Variants in TP53BP1 observed in about 807,000 individuals in gnomAD.
TP53BP1 encodes TP53-binding protein 1.
Under a neutral mutation model 200.8 loss-of-function variants are expected in TP53BP1, and 61 were observed. The observed-to-expected ratio is 0.30, with a 90% CI of 0.25 to 0.38. The LOEUF (loss-of-function observed/expected upper bound fraction) is 0.38, where lower values mean the gene tolerates loss of function less well. TP53BP1 is among the 10% of genes least tolerant of loss of function. The probability of loss-of-function intolerance (pLI) is 1.00; values close to 1 mark genes in which losing one functional copy is unlikely to be tolerated. For synonymous variants in TP53BP1, 822 were observed against 844.3 expected (o/e 0.97, Z 0.46); for missense variants, 2,144 against 2,371.9 (o/e 0.90, Z 2.00).
At chr15:43,415,423 A>G in intron 23 of TP53BP1, 171 bp downstream of exon 23, 3 of 732,962 alleles carry the variant, frequency 4.1e-6, no homozygotes, top group South Asian at 2.9e-5. Flanking sequence ...GGGATGGGGG[A>G]GGAGGGATAC....
intron 8 of TP53BP1, among the ~76,000 whole-genome samples, chr15:43,476,450 T>C (rs1330118947): frequency 1.3e-5 from 2 of 152,204 alleles, no homozygotes; most frequent in African/African-American, 2.4e-5. Context: ...CACATGACAC[T>C]TGATGTTATA....
intron 17 of TP53BP1, 99 bp from the exon 18 acceptor site, chr15:43,428,267 G>A: frequency 9.6e-7 from 1 of 1,039,874 alleles, no homozygotes; most frequent in Non-Finnish European, 1.4e-6. Context: ...GAGGCTCCAT[G>A]AATCTAGTGT....
At chr15:43,436,166 CT>C (rs1201494668) in intron 16 of TP53BP1, among the ~76,000 whole-genome samples, 1 of 151,754 alleles carries the variant, frequency 6.6e-6, no homozygotes, top group Non-Finnish European at 1.5e-5. Flanking sequence ...TAATTTTGTA[CT>C]TTTTGTAGAG....
chr15:43,491,775 T>G, intron 3 of TP53BP1, 22 bp from the exon 4 acceptor site: 1 of 1,586,434 alleles, frequency 6.3e-7, no homozygotes, highest in Non-Finnish European at 8.7e-7. Context: ...AACTGGATAT[T>G]AGCATGAAAG....
Position 43,457,097 on chromosome 15 carries a change from T to G in TP53BP1, c.1511A>C (p.Asn504Thr). 6.2e-7 allele frequency: 1 copy of G among 1,614,180 alleles called. No homozygotes were observed. The highest frequency in any genetic ancestry group is 8.5e-7 in the Non-Finnish European group (1 of 1,180,042). ...AGATAGCCCAAGATCCTCAGGGGAA[T>G]TCTTTGGTTCAATCTCTGAAGTTTT... ...CSKTSEIEPK[N>T]SPEDLGLSLT... Residue 504 changes from asparagine to threonine, a missense_variant, in exon 12 of 28, where the codon AAT becomes ACT. Physicochemically the swap from Asn to Thr is moderately conservative, Grantham distance 65. Coordinates refer to ENST00000382044, the MANE Select transcript of TP53BP1 (RefSeq NM_001141980.3).
At chr15:43,431,868 G>C (rs1260520059) in intron 17 of TP53BP1, among the ~76,000 whole-genome samples, 1 of 152,184 alleles carries the variant, frequency 6.6e-6, no homozygotes, top group Non-Finnish European at 1.5e-5. Flanking sequence ...TAGAAGGCAA[G>C]ATAAAAAGTA....
chr15:43,450,759 C>T (rs1350589364), intron 12 of TP53BP1, among the ~76,000 whole-genome samples: 1 of 152,186 alleles, frequency 6.6e-6, no homozygotes, highest in Non-Finnish European at 1.5e-5. Flanking sequence ...TTCTCTCTCT[C>T]CCTCTCTGTA....
Position 43,475,603 on chromosome 15 carries a change from G to A in TP53BP1, c.1047C>T (p.Leu349=), listed in dbSNP as rs1220380736. 3 of 1,614,004 alleles carry A rather than the reference G, an allele frequency of 1.9e-6. No individual in the cohort carries two copies. Among genetic ancestry groups the A allele is most frequent in the Admixed American group, 1.7e-5 (1 of 60,000 alleles). Reference sequence around the variant, plus strand: ...CCTGAACAAGGGACCTCTGACCAGAGAGCTGCAGGAGATGCAGAGTGGTGG... The same window carrying A: ...CCTGAACAAGGGACCTCTGACCAGAAAGCTGCAGGAGATGCAGAGTGGTGG... ...TPATTLHLLQ[L]SGQRSLVQDS... The change falls in exon 9 of 28, where the codon CTC becomes CTT. Residue 349 remains leucine (L), a synonymous_variant. Coordinates refer to ENST00000382044, the MANE Select transcript of TP53BP1 (RefSeq NM_001141980.3).
intron 15 of TP53BP1, among the ~76,000 whole-genome samples, chr15:43,439,476 C>A (rs111309700): frequency 1.3e-5 from 2 of 152,144 alleles, no homozygotes; most frequent in Non-Finnish European, 2.9e-5. Context: ...GTCAAGGCTG[C>A]AGTGAACTGT....
At position 43,493,025 on chromosome 15, in the gene TP53BP1, T is replaced by A; in HGVS notation, c.7+12A>T. On this transcript the variant is annotated intron_variant, in intron 1 of 27. Transcript: ENST00000382044. ...AGAGCCCACTGCACTCCCATTTCTCTCCAAACAGTACCAGGCATCCCGGCG... is the reference window on the plus strand; with the variant it reads ...AGAGCCCACTGCACTCCCATTTCTCACCAAACAGTACCAGGCATCCCGGCG... The A allele has an allele frequency of 6.2e-7, 1 of 1,611,752 alleles. No homozygotes were observed. The highest frequency in any genetic ancestry group is 8.5e-7 in the Non-Finnish European group (1 of 1,179,246).
At chr15:43,465,175 A>G (rs1196458617) in intron 11 of TP53BP1, among the ~76,000 whole-genome samples, 1 of 152,006 alleles carries the variant, frequency 6.6e-6, no homozygotes, top group Non-Finnish European at 1.5e-5. Context: ...TTCCATTTGT[A>G]GACTGGTGTC....
intron 8 of TP53BP1, among the ~76,000 whole-genome samples, chr15:43,476,035 C>T (rs544069897): frequency 5.3e-5 from 8 of 152,152 alleles, no homozygotes; most frequent in East Asian, 3.9e-4. Flanking sequence ...GAGGCTGAGG[C>T]GGGTGGATCA....
At chr15:43,493,265 A>G, upstream of TP53BP1, 5 of 1,406,600 alleles carry the variant, frequency 3.6e-6, no homozygotes, top group Non-Finnish European at 4.7e-6. Flanking sequence ...GCCCTGCCCC[A>G]CGTAAGAAAA....
chr15:43,509,259 G>A (rs887062177), intron 1 of TP53BP1, among the ~76,000 whole-genome samples: 1 of 150,220 alleles, frequency 6.7e-6, no homozygotes. Context: ...AGAGGGTGAG[G>A]CATCCCCAGC....
intron 15 of TP53BP1, among the ~76,000 whole-genome samples, chr15:43,438,883 C>T (rs1490553378): frequency 6.6e-6 from 1 of 151,830 alleles, no homozygotes; most frequent in African/African-American, 2.4e-5. Flanking sequence ...GAAATCTGAA[C>T]ATTGAATATT....
At chr15:43,442,815 C>CTTT (rs71111818) in intron 14 of TP53BP1, among the ~76,000 whole-genome samples, 19 of 61,032 alleles carry the variant, frequency 3.1e-4, no homozygotes, top group Non-Finnish European at 4.8e-4. Flanking sequence ...CAGTAATATT[C>CTTT]TTTTTTTTTT....
rs2044746243 is a variant in TP53BP1 at position 43,403,519 on chromosome 15, G to A, written c.*3864C>T. 6.8e-6 allele frequency: 4 copies of A among 587,240 alleles called. No homozygotes were observed. Among genetic ancestry groups the A allele is most frequent in the African/African-American group, 1.9e-5 (1 of 53,704 alleles). The allele number at this position is 587,240 out of a possible 1,614,324, so 36.4% of individuals were successfully genotyped here. ...TGCATTTGTTTTACGCATTTTGTGC[G>A]TCTGAGGGGCTGGCAGGCCTTGCAC... is the stretch of plus-strand genomic sequence containing the variant. On this transcript the variant is annotated 3_prime_UTR_variant, in exon 28 of 28. Transcript: ENST00000382044.
intron 12 of TP53BP1, among the ~76,000 whole-genome samples, chr15:43,452,363 C>A (rs1000311514): frequency 6.6e-6 from 1 of 151,874 alleles, no homozygotes; most frequent in Non-Finnish European, 1.5e-5. Context: ...TCCAAGAGTT[C>A]GAGATCAGCC....
intron 12 of TP53BP1, among the ~76,000 whole-genome samples, chr15:43,449,454 T>C (rs928614962): frequency 6.6e-6 from 1 of 152,248 alleles, no homozygotes; most frequent in African/African-American, 2.4e-5. Flanking sequence ...GCTGAAAATA[T>C]ATCCCTGTAA....
Sources: gnomAD v4.1 joint callset for allele counts (sites outside exome capture counted in the v4.1 genomes callset) on GRCh38, gnomAD v4.1.1 for gene constraint, MANE v1.5 for transcripts, NCBI Gene and HGNC (gene_info 2026-07-23, HGNC 2026-07-21) for gene names.